The following EPB41L3 variants were observed in gnomAD, a reference collection of about 807,000 sequenced individuals.
EPB41L3 encodes the protein band 4.1-like protein 3.
Under a neutral mutation model 127.1 loss-of-function variants are expected in EPB41L3, and 57 were observed. That is an observed-to-expected ratio of 0.45 (90% CI 0.36 to 0.56). The LOEUF (loss-of-function observed/expected upper bound fraction) is 0.56. Among genes scored for constraint, EPB41L3 ranks in the 20% least tolerant of loss-of-function variants. The probability of loss-of-function intolerance (pLI) is 0.00; values close to 1 mark genes in which losing one functional copy is unlikely to be tolerated. For synonymous variants in EPB41L3, 572 were observed against 549.5 expected (o/e 1.04, Z -0.57); for missense variants, 1,273 against 1,372.2 (o/e 0.93, Z 1.14).
chr18:5,467,709 G>A (rs963723416), intron 3 of EPB41L3: 4 of 152,206 alleles, frequency 2.6e-5, no homozygotes, highest in African/African-American at 7.2e-5. Context: ...GAGGTAATCA[G>A]AAACTTAATT....
intron 1 of EPB41L3, 138 bp from the exon 2 acceptor site, chr18:5,489,332 C>T: frequency 5.2e-6 from 5 of 955,062 alleles, no homozygotes; most frequent in Non-Finnish European, 7.4e-6. Context: ...CTATTCCACA[C>T]ACTGGACAGA....
intron 1 of EPB41L3, among the ~76,000 whole-genome samples, chr18:5,507,583 T>C (rs1177880092): frequency 2.0e-5 from 3 of 152,220 alleles, no homozygotes; most frequent in South Asian, 4.1e-4. Context: ...TTGAAAAATG[T>C]AGATAAAATA....
chr18:5,502,264 T>A (rs2091811113), intron 1 of EPB41L3, among the ~76,000 whole-genome samples: 1 of 151,786 alleles, frequency 6.6e-6, no homozygotes, highest in South Asian at 2.1e-4. Flanking sequence ...TGAATCCACA[T>A]ATTTCCAGTT....
intron 1 of EPB41L3, among the ~76,000 whole-genome samples, chr18:5,618,847 A>G: frequency 6.6e-6 from 1 of 152,224 alleles, no homozygotes; most frequent in East Asian, 1.9e-4. Context: ...AGTAGAATGC[A>G]TGTGCTCACA....
intron 1 of EPB41L3, among the ~76,000 whole-genome samples, chr18:5,519,645 A>AT (rs763525332): frequency 6.6e-6 from 1 of 152,118 alleles, no homozygotes; most frequent in Non-Finnish European, 1.5e-5. Flanking sequence ...CTCTTCTGGC[A>AT]TTTTCTCACC....
intron 1 of EPB41L3, among the ~76,000 whole-genome samples, chr18:5,538,991 C>A (rs1286410440): frequency 8.4e-5 from 12 of 142,934 alleles, no homozygotes; most frequent in African/African-American, 2.7e-4. Flanking sequence ...AAGCTTTCTC[C>A]AAGATTTTTT....
chr18:5,555,074 G>T (rs73385802), intron 3 of EPB41L3, among the ~76,000 whole-genome samples: 7,067 of 152,280 alleles, frequency 0.046, 485 homozygotes, highest in African/African-American at 0.15. Flanking sequence ...AAAGATGAGT[G>T]TTAGATTCTG....
At chr18:5,437,524 C>A (rs1598923170) in intron 6 of EPB41L3, among the ~76,000 whole-genome samples, 1 of 152,168 alleles carries the variant, frequency 6.6e-6, no homozygotes, top group Non-Finnish European at 1.5e-5. Flanking sequence ...AAAGCTGTTA[C>A]CAAACTGAAA....
chr18:5,566,768 T>C lies in EPB41L3; in HGVS notation c.-306+45572A>G, dbSNP rs146689557. Among the ~76,000 whole-genome samples, 412 of 141,418 alleles carry C rather than the reference T, an allele frequency of 2.9e-3. 9 individuals carry two copies. In the East Asian group the frequency reaches 0.05, roughly 17 times the overall value. The allele number at this position is 141,418 out of a possible 152,430, so 92.8% of individuals were successfully genotyped here. A position where few individuals can be genotyped will look rare whatever the true frequency, so the allele number is the denominator to read the frequency against. On this transcript the variant is annotated intron_variant, in intron 3 of 21. Coordinates refer to the EPB41L3 transcript ENST00000545076. The stretch of plus-strand genomic sequence containing the variant: ...TATTCTATTCTATTCTATTCTATTC[T>C]ATTCTATTCTATTCTATTCTATTCC...
At chr18:5,495,487 C>T (rs538962606) in intron 1 of EPB41L3, among the ~76,000 whole-genome samples, 2 of 151,892 alleles carry the variant, frequency 1.3e-5, no homozygotes, top group African/African-American at 4.8e-5. Flanking sequence ...GACAGGTTAC[C>T]TCAAGAAGCA....
chr18:5,556,747 C>T (rs1412161627), intron 3 of EPB41L3, among the ~76,000 whole-genome samples: 1 of 152,198 alleles, frequency 6.6e-6, no homozygotes, highest in East Asian at 1.9e-4. Context: ...CTCTGCCCCG[C>T]TCCTCCCTCC....
At chr18:5,434,252 T>C in intron 6 of EPB41L3, 131 bp from the exon 7 acceptor site, 1 of 665,216 alleles carries the variant, frequency 1.5e-6, no homozygotes, top group Admixed American at 2.8e-5. Flanking sequence ...TTTTCTAGCG[T>C]CTATATATTT....
intron 3 of EPB41L3, among the ~76,000 whole-genome samples, chr18:5,462,018 A>G (rs2084090321): frequency 6.6e-6 from 1 of 152,304 alleles, no homozygotes; most frequent in South Asian, 2.1e-4. Context: ...AGAGCAGGGT[A>G]TTATTACAGC....
At chr18:5,559,429 T>C (rs929490015) in intron 3 of EPB41L3, among the ~76,000 whole-genome samples, 2 of 152,122 alleles carry the variant, frequency 1.3e-5, no homozygotes, top group African/African-American at 2.4e-5. Context: ...GCTAACTCAA[T>C]AGCCACTAGA....
intron 3 of EPB41L3, among the ~76,000 whole-genome samples, chr18:5,587,309 G>A (rs920075913): frequency 6.6e-6 from 1 of 152,004 alleles, no homozygotes; most frequent in Non-Finnish European, 1.5e-5. Context: ...CGTTAGTTTT[G>A]CACAGTTGAC....
At chr18:5,487,378 T>C (rs1246241344) in intron 2 of EPB41L3, among the ~76,000 whole-genome samples, 4 of 150,034 alleles carry the variant, frequency 2.7e-5, no homozygotes, top group African/African-American at 4.9e-5. Flanking sequence ...TTAAAAAATA[T>C]ACATATATAC....
intron 22 of EPB41L3, 85 bp from the exon 23 acceptor site, chr18:5,393,563 G>A: frequency 7.3e-6 from 5 of 680,302 alleles, no homozygotes; most frequent in Non-Finnish European, 1.3e-5. Context: ...AAGTATCCTG[G>A]AAGTTAGAAT....
At chr18:5,474,701 A>T (rs1216471456) in intron 3 of EPB41L3, among the ~76,000 whole-genome samples, 2 of 152,096 alleles carry the variant, frequency 1.3e-5, no homozygotes, top group Non-Finnish European at 2.9e-5. Flanking sequence ...TTCTTAATTC[A>T]TCTGTAACTA....
At chr18:5,455,925 C>T (rs960665966) in intron 3 of EPB41L3, among the ~76,000 whole-genome samples, 2 of 151,844 alleles carry the variant, frequency 1.3e-5, no homozygotes, top group Non-Finnish European at 2.9e-5. Flanking sequence ...GAAACAGACA[C>T]GTACTTAAAC....
Sources: allele counts gnomAD v4.1 joint callset (sites outside exome capture counted in the v4.1 genomes callset), GRCh38; gene constraint gnomAD v4.1.1; transcripts MANE v1.5; gene names NCBI Gene and HGNC (gene_info 2026-07-23, HGNC 2026-07-21).